ANKRD11: variants seen among roughly 807,000 people sequenced by gnomAD.
The protein encoded by ANKRD11 is ankyrin repeat domain-containing protein 11.
ANKRD11 carries 17 observed loss-of-function variants against 195.7 expected under a neutral mutation model. That is an observed-to-expected ratio of 0.09 (90% CI 0.06 to 0.13). The LOEUF (loss-of-function observed/expected upper bound fraction) is 0.13. Among genes scored for constraint, ANKRD11 ranks in the 10% least tolerant of loss-of-function variants. The pLI is 1.00. For synonymous variants in ANKRD11, 1,953 were observed against 1,528.1 expected, an observed-to-expected ratio of 1.28 and a Z score of -6.49; for missense variants, 3,735 against 3,566.1, an observed-to-expected ratio of 1.05 and a Z score of -1.21.
At chr16:89,374,010 A>G (rs963561666) in intron 2 of ANKRD11, among the ~76,000 whole-genome samples, 1 of 152,224 alleles carries the variant, frequency 6.6e-6, no homozygotes, top group African/African-American at 2.4e-5. Flanking sequence ...TACCTGCAGG[A>G]CAGGAGCTCC....
At chr16:89,422,842 T>C (rs1170536722) in intron 1 of ANKRD11, among the ~76,000 whole-genome samples, 1 of 152,246 alleles carries the variant, frequency 6.6e-6, no homozygotes, top group Non-Finnish European at 1.5e-5. Flanking sequence ...CACAACTGTA[T>C]TAATGTTTAA....
intron 1 of ANKRD11, among the ~76,000 whole-genome samples, chr16:89,441,128 C>T (rs886552620): frequency 2.6e-5 from 4 of 151,234 alleles, no homozygotes; most frequent in East Asian, 2.0e-4. Flanking sequence ...CCCAGCTACT[C>T]GGGAGGCTGA....
Position 89,323,207 on chromosome 16 carries a change from AACGG to A in ANKRD11, c.-59-6133_-59-6130del, listed in dbSNP as rs1239151714. 3.5e-6 allele frequency: 3 copies of A among 866,070 alleles called. No individual in the cohort carries two copies. In the East Asian group the frequency reaches 1.9e-4, roughly 54 times the overall value. 53.6% of individuals were successfully genotyped at this position (866,070 alleles called of 1,614,324 possible). A position where few individuals can be genotyped will look rare whatever the true frequency, so the allele number is the denominator to read the frequency against. ...ACACCTCACAGGGAGAGAAGTCTCC[AACGG>A]ACTGAGCGGAGGAAAAAAGAAAAAA... On this transcript the variant is annotated intron_variant, in intron 2 of 12. Coordinates refer to ENST00000301030, the MANE Select transcript of ANKRD11 (RefSeq NM_013275.6).
chr16:89,455,327 A>G (rs2056385003), intron 1 of ANKRD11, among the ~76,000 whole-genome samples: 1 of 151,950 alleles, frequency 6.6e-6, no homozygotes, highest in Non-Finnish European at 1.5e-5. Flanking sequence ...GGGTTCCTCA[A>G]GCTGCTCCCA....
chr16:89,333,000 A>AC (rs2038146383), intron 2 of ANKRD11, among the ~76,000 whole-genome samples: 1 of 152,160 alleles, frequency 6.6e-6, no homozygotes, highest in Non-Finnish European at 1.5e-5. Context: ...CATCCTGTGC[A>AC]CCCGGGGAAT....
chr16:89,462,827 GCCCGGCAGCCA>G (rs1337344142), intron 1 of ANKRD11, among the ~76,000 whole-genome samples: 4 of 149,350 alleles, frequency 2.7e-5, no homozygotes, highest in African/African-American at 9.9e-5. Context: ...GAGCCCCTCC[GCCCGGCAGCCA>G]CCCCGTCTGG....
At chr16:89,436,033 C>T (rs1001205559) in intron 1 of ANKRD11, among the ~76,000 whole-genome samples, 1 of 152,184 alleles carries the variant, frequency 6.6e-6, no homozygotes, top group Non-Finnish European at 1.5e-5. Flanking sequence ...CAGGGTCACA[C>T]ATTCTTCCAA....
At chr16:89,431,941 C>T (rs1425828776) in intron 1 of ANKRD11, among the ~76,000 whole-genome samples, 1 of 152,156 alleles carries the variant, frequency 6.6e-6, no homozygotes, top group Non-Finnish European at 1.5e-5. Context: ...GCCTCCTCCT[C>T]CCTATCAAAA....
chr16:89,436,225 G>A (rs2043210864), intron 1 of ANKRD11, among the ~76,000 whole-genome samples: 1 of 152,056 alleles, frequency 6.6e-6, no homozygotes, highest in Non-Finnish European at 1.5e-5. Flanking sequence ...GACCAGCCTG[G>A]CCAACTCGGT....
chr16:89,458,480 T>C (rs1034375324), intron 1 of ANKRD11, among the ~76,000 whole-genome samples: 11 of 152,190 alleles, frequency 7.2e-5, no homozygotes, highest in South Asian at 2.1e-4. Flanking sequence ...CATCTCGGCC[T>C]CCCAAAGTGC....
chr16:89,324,433 G>GT (rs2037569837), intron 2 of ANKRD11: 2 of 467,098 alleles, frequency 4.3e-6, no homozygotes, highest in African/African-American at 2.0e-5. Context: ...TAAAACCAAG[G>GT]TAAGTGTGAG....
chr16:89,294,692 G>A (rs892010083), intron 4 of ANKRD11, among the ~76,000 whole-genome samples: 1 of 152,194 alleles, frequency 6.6e-6, no homozygotes, highest in Non-Finnish European at 1.5e-5. Flanking sequence ...GCAGCTGAGC[G>A]GGTCCTTGAC....
At chr16:89,462,524 C>T (rs1278770751) in intron 1 of ANKRD11, among the ~76,000 whole-genome samples, 5 of 152,078 alleles carry the variant, frequency 3.3e-5, no homozygotes, top group Non-Finnish European at 7.4e-5. Flanking sequence ...CTCTGCCTGG[C>T]CGCCCATCAT....
intron 4 of ANKRD11, among the ~76,000 whole-genome samples, chr16:89,294,753 G>C (rs980477918): frequency 6.6e-6 from 1 of 152,202 alleles, no homozygotes; most frequent in Admixed American, 6.5e-5. Context: ...CACCACACAA[G>C]TGGGTCCCGC....
chr16:89,301,844 C>A (rs1010258694), intron 4 of ANKRD11, among the ~76,000 whole-genome samples: 13 of 152,182 alleles, frequency 8.5e-5, no homozygotes, highest in African/African-American at 2.7e-4. Context: ...CACTGGACCG[C>A]GGGCAGGGCC....
Position 89,281,380 on chromosome 16 carries a change from G to A in ANKRD11, c.5162C>T (p.Thr1721Met), listed in dbSNP as rs1466820191. 6.8e-6 allele frequency: 11 copies of A among 1,609,388 alleles called. No homozygotes were observed. Among genetic ancestry groups the A allele is most frequent in the South Asian group, 1.1e-5 (1 of 90,912 alleles). ...GGCGCTGCAGGACGGGGTCCTGGGCGTGTGCATCACCTCCTCGTAGCTGGG... is the reference window on the plus strand; with the variant it reads ...GGCGCTGCAGGACGGGGTCCTGGGCATGTGCATCACCTCCTCGTAGCTGGG... ...SCPSYEEVMH[T>M]PRTPSCSADD... The change falls in exon 9 of 13, where the codon ACG becomes ATG. Residue 1721 changes from threonine (T) to methionine (M), a missense_variant. By Grantham distance (81) the Thr-to-Met change is moderately conservative. Transcript: ENST00000301030. This position sits in a 1 kb window ranked among gnomAD's most constrained non-coding sequence, Gnocchi z 5.5.
At chr16:89,357,959 ATTTAGT>A (rs2039561690) in intron 2 of ANKRD11, among the ~76,000 whole-genome samples, 1 of 152,218 alleles carries the variant, frequency 6.6e-6, no homozygotes, top group South Asian at 2.1e-4. Flanking sequence ...AAACAATCAG[ATTTAGT>A]TATGATGCTC....
intron 2 of ANKRD11, among the ~76,000 whole-genome samples, chr16:89,382,098 C>T (rs539997142): frequency 6.6e-6 from 1 of 152,318 alleles, no homozygotes; most frequent in South Asian, 2.1e-4. Context: ...GCCACCAGAA[C>T]GGGCGAGGGG....
chr16:89,312,104 G>A (rs2036636943), intron 3 of ANKRD11, among the ~76,000 whole-genome samples: 1 of 152,280 alleles, frequency 6.6e-6, no homozygotes, highest in Non-Finnish European at 1.5e-5. Context: ...TGCCATGTTG[G>A]CCAGGCTGGT....
Sources: allele counts gnomAD v4.1 joint callset (sites outside exome capture counted in the v4.1 genomes callset), GRCh38; gene constraint gnomAD v4.1.1; non-coding constraint Gnocchi (gnomAD v3.1); transcripts MANE v1.5; gene names NCBI Gene and HGNC (gene_info 2026-07-23, HGNC 2026-07-21).